Variants in FER observed in about 807,000 individuals in gnomAD.
FER encodes the protein FER tyrosine kinase, also known as tyrosine-protein kinase Fer.
Under a neutral mutation model 111.0 loss-of-function variants are expected in FER, and 63 were observed. The ratio of observed to expected loss-of-function variants is 0.57; its 90% CI spans 0.46 to 0.70. FER has a LOEUF of 0.70. Among genes scored for constraint, FER ranks in the 30% least tolerant of loss-of-function variants. FER has a pLI of 0.00. For missense variants in FER, 914 were observed against 954.0 expected (o/e 0.96, Z 0.55); for synonymous variants, 327 against 313.9 (o/e 1.04, Z -0.44).
chr5:108,845,556 GTTTTAC>G (rs910658080), intron 5 of FER, among the ~76,000 whole-genome samples: 4 of 151,986 alleles, frequency 2.6e-5, no homozygotes, highest in African/African-American at 9.7e-5. Flanking sequence ...TATAAAGACA[GTTTTAC>G]TTTTACCTTT....
intron 16 of FER, among the ~76,000 whole-genome samples, chr5:109,058,620 T>C (rs969516904): frequency 4.6e-5 from 7 of 151,840 alleles, no homozygotes; most frequent in Non-Finnish European, 1.0e-4. Context: ...CTTATACAAG[T>C]TATATATAAC....
chr5:109,014,952 T>C (rs970248739), intron 13 of FER: 3 of 152,194 alleles, frequency 2.0e-5, no homozygotes, highest in Non-Finnish European at 4.4e-5. Context: ...ATGTTTGCTT[T>C]TAAAGTTATC....
At chr5:109,151,487 C>T (rs1201229527) in intron 17 of FER, among the ~76,000 whole-genome samples, 1 of 151,978 alleles carries the variant, frequency 6.6e-6, no homozygotes, top group South Asian at 2.1e-4. Context: ...ATAACGTGAC[C>T]AGGGTGTGTG....
intron 17 of FER, among the ~76,000 whole-genome samples, chr5:109,141,930 A>G (rs1753564546): frequency 6.7e-6 from 1 of 149,060 alleles, no homozygotes; most frequent in South Asian, 2.1e-4. Flanking sequence ...CCACCAGCAT[A>G]AAAGCCTACA....
At chr5:108,821,707 C>A (rs1324489006) in intron 3 of FER, among the ~76,000 whole-genome samples, 2 of 151,268 alleles carry the variant, frequency 1.3e-5, no homozygotes, top group Non-Finnish European at 2.9e-5. Flanking sequence ...TTATTAAATT[C>A]TATAATATAA....
intron 8 of FER, among the ~76,000 whole-genome samples, chr5:108,880,564 T>A (rs1333712905): frequency 6.6e-6 from 1 of 152,120 alleles, no homozygotes; most frequent in African/African-American, 2.4e-5. Flanking sequence ...GAAATGTAGC[T>A]TTCTTGACAA....
At chr5:108,802,336 T>C (rs551870796) in intron 3 of FER, among the ~76,000 whole-genome samples, 18 of 152,288 alleles carry the variant, frequency 1.2e-4, no homozygotes, top group African/African-American at 3.6e-4. Context: ...AAAAATGATA[T>C]ACATTTTAAA....
chr5:108,949,464 C>G (rs1315584240), intron 11 of FER, among the ~76,000 whole-genome samples: 1 of 152,062 alleles, frequency 6.6e-6, no homozygotes, highest in East Asian at 1.9e-4. Flanking sequence ...ACACTAAATT[C>G]TGTCATGTTT....
chr5:109,057,103 C>A (rs1005334420), intron 16 of FER, among the ~76,000 whole-genome samples: 2 of 152,168 alleles, frequency 1.3e-5, no homozygotes, highest in African/African-American at 2.4e-5. Context: ...TCTGCAATTT[C>A]TCTAAGCAAG....
chr5:109,047,451 T>G (rs1343674346), intron 16 of FER, among the ~76,000 whole-genome samples: 6 of 152,220 alleles, frequency 3.9e-5, no homozygotes, highest in Non-Finnish European at 7.3e-5. Context: ...TGGAATTCAG[T>G]TATACATCTT....
At chr5:108,880,149 G>A (rs1341324232) in intron 8 of FER, among the ~76,000 whole-genome samples, 1 of 152,120 alleles carries the variant, frequency 6.6e-6, no homozygotes, top group African/African-American at 2.4e-5. Context: ...CACAAGGAAT[G>A]TGTTTAATAA....
At chr5:109,153,456 A>G (rs536401741) in intron 17 of FER, among the ~76,000 whole-genome samples, 1 of 152,004 alleles carries the variant, frequency 6.6e-6, no homozygotes, top group South Asian at 2.1e-4. Flanking sequence ...AAACTAGGGA[A>G]AAAAAGGTTT....
Position 109,174,922 on chromosome 5 carries a change from C to T in FER, c.2049-5825C>T, listed in dbSNP as rs538559087. Among the ~76,000 whole-genome samples the T allele has an allele frequency of 1.9e-3, 295 of 152,254 alleles. 1 individual carries two copies. The highest frequency in any genetic ancestry group is 5.9e-3 in the African/African-American group (247 of 41,556). ...TTCAATTTCTGCTTTCCTCCGCTTACGGGCTTTGTGACCTTGGGCAAGTTG... is the reference window on the plus strand; with the variant it reads ...TTCAATTTCTGCTTTCCTCCGCTTATGGGCTTTGTGACCTTGGGCAAGTTG... On this transcript the variant is annotated intron_variant, in intron 17 of 19. Coordinates refer to ENST00000281092, the MANE Select transcript of FER (RefSeq NM_005246.4).
Position 108,872,163 on chromosome 5 carries a change from G to A in FER, c.874G>A (p.Ala292Thr), listed in dbSNP as rs747406581. 6.8e-6 allele frequency: 11 copies of A among 1,611,376 alleles called. No individual in the cohort carries two copies. The highest frequency in any genetic ancestry group is 6.7e-5 in the Admixed American group (4 of 59,604). ...SLLEENENLQ[A>T]NEIMWNNLTA... ...ACTGGAAGAAAATGAAAATCTTCAG[G>A]CAAATGAGATCATGTGGAATAACTT... Residue 292 changes from alanine (A) to threonine (T), a missense_variant, in exon 8 of 20, where the codon GCA becomes ACA. This residue lies in a region of FER where 774 missense variants were observed against 782.6 expected (regional missense o/e 0.99). Transcript: ENST00000281092.
intron 13 of FER, among the ~76,000 whole-genome samples, chr5:108,985,096 A>T (rs193235410): frequency 2.1e-3 from 325 of 152,274 alleles, no homozygotes; most frequent in African/African-American, 7.3e-3. Flanking sequence ...CAAATAACTC[A>T]TAAAAATAGG....
chr5:108,971,054 T>C (rs753365009), intron 13 of FER, among the ~76,000 whole-genome samples: 23 of 152,108 alleles, frequency 1.5e-4, no homozygotes, highest in Non-Finnish European at 2.8e-4. Flanking sequence ...TTCCGATTTT[T>C]AATTGTGGGA....
chr5:109,081,947 C>A (rs533391082), intron 16 of FER, among the ~76,000 whole-genome samples: 2 of 151,944 alleles, frequency 1.3e-5, no homozygotes, highest in Non-Finnish European at 2.9e-5. Flanking sequence ...CCTCTCCTAC[C>A]CCTTCAGAAT....
chr5:108,772,790 A>G (rs1187134697), intron 2 of FER, among the ~76,000 whole-genome samples: 1 of 152,186 alleles, frequency 6.6e-6, no homozygotes, highest in Non-Finnish European at 1.5e-5. Flanking sequence ...TCCACCCTCC[A>G]TTGCCTATAC....
intron 16 of FER, among the ~76,000 whole-genome samples, chr5:109,062,538 A>T (rs572949362): frequency 8.6e-5 from 13 of 151,272 alleles, no homozygotes; most frequent in South Asian, 6.2e-4. Flanking sequence ...AAGAAAAAAA[A>T]ATATATATAA....
Sources: gnomAD v4.1 joint callset for allele counts (sites outside exome capture counted in the v4.1 genomes callset) on GRCh38, gnomAD v4.1.1 for gene constraint, gnomAD v4.1.1 regional missense constraint, MANE v1.5 for transcripts, NCBI Gene and HGNC (gene_info 2026-07-23, HGNC 2026-07-21) for gene names.